PLOD2: variants seen among roughly 807,000 people sequenced by gnomAD.
PLOD2 encodes the protein procollagen-lysine,2-oxoglutarate 5-dioxygenase 2, also known as lysine hydroxylase 2.
A neutral mutation model predicts 101.0 loss-of-function variants in PLOD2; 65 were observed. That is an observed-to-expected ratio of 0.64 (90% confidence interval 0.53 to 0.79). The LOEUF (loss-of-function observed/expected upper bound fraction) is 0.79, where lower values mean the gene tolerates loss of function less well. Among genes scored for constraint, PLOD2 ranks in the 30% least tolerant of loss-of-function variants. The probability of loss-of-function intolerance (pLI) is 0.00; values close to 1 mark genes in which losing one functional copy is unlikely to be tolerated. For synonymous variants in PLOD2, 314 were observed against 302.9 expected (o/e 1.04, Z -0.38); for missense variants, 909 against 914.6 (o/e 0.99, Z 0.08).
intron 7 of PLOD2, among the ~76,000 whole-genome samples, chr3:146,096,839 G>A (rs1434041834): frequency 3.0e-5 from 4 of 133,320 alleles, no homozygotes; most frequent in Admixed American, 7.1e-5. Context: ...GGGAAGTGAG[G>A]AGCCCCTCTG....
chr3:146,142,825 A>C (rs1298598489), intron 1 of PLOD2, among the ~76,000 whole-genome samples: 1 of 152,124 alleles, frequency 6.6e-6, no homozygotes, highest in Non-Finnish European at 1.5e-5. Context: ...AGCACATTCC[A>C]ATCTCTTGTC....
At chr3:146,111,756 A>G (rs1245744611) in intron 3 of PLOD2, among the ~76,000 whole-genome samples, 1 of 152,098 alleles carries the variant, frequency 6.6e-6, no homozygotes, top group Admixed American at 6.6e-5. Flanking sequence ...ATTACAAAAC[A>G]CAACACTGTA....
intron 14 of PLOD2, chr3:146,077,099 T>G: frequency 8.1e-7 from 1 of 1,237,620 alleles, no homozygotes; most frequent in Non-Finnish European, 1.0e-6. Context: ...ACAAAACTAG[T>G]AGATAGCACT....
At chr3:146,117,195 T>A (rs975387150) in intron 3 of PLOD2, among the ~76,000 whole-genome samples, 5 of 152,330 alleles carry the variant, frequency 3.3e-5, no homozygotes, top group African/African-American at 1.2e-4. Flanking sequence ...TACATCTGTG[T>A]ATATTTTCAT....
intron 7 of PLOD2, among the ~76,000 whole-genome samples, chr3:146,100,311 C>T (rs576505216): frequency 3.3e-5 from 5 of 152,242 alleles, no homozygotes; most frequent in Admixed American, 1.3e-4. Flanking sequence ...GCGTAGTATT[C>T]GCTACACATG....
chr3:146,146,209 T>C lies in PLOD2; in HGVS notation c.109+14672A>G, dbSNP rs558136970. Reference sequence around the variant, plus strand: ...ACTTGGGTCCCTATTGTCAAAAACATCCATAAAAATTTAAAATAATTTAAT... The same window carrying C: ...ACTTGGGTCCCTATTGTCAAAAACACCCATAAAAATTTAAAATAATTTAAT... On this transcript the variant is annotated intron_variant, in intron 1 of 19. Transcript: ENST00000282903. Among the ~76,000 whole-genome samples, 13 of 152,152 alleles carry C rather than the reference T, an allele frequency of 8.5e-5. No homozygotes were observed. In the South Asian group the frequency reaches 2.7e-3, roughly 32 times the overall value.
At chr3:146,121,076 A>C in intron 3 of PLOD2, 36 bp downstream of exon 3, 1 of 1,445,596 alleles carries the variant, frequency 6.9e-7, no homozygotes, top group Non-Finnish European at 9.7e-7. Flanking sequence ...AAGTAATTGA[A>C]TATAGATTTT....
At chr3:146,156,740 A>G (rs572169238) in intron 1 of PLOD2, among the ~76,000 whole-genome samples, 104 of 152,306 alleles carry the variant, frequency 6.8e-4, no homozygotes, top group Middle Eastern at 3.4e-3. Context: ...TCTCTAAGTC[A>G]CTGATGGCCA....
chr3:146,156,372 C>G (rs1242424364), intron 1 of PLOD2, among the ~76,000 whole-genome samples: 1 of 152,250 alleles, frequency 6.6e-6, no homozygotes, highest in Non-Finnish European at 1.5e-5. Flanking sequence ...GCCTCATAGT[C>G]TCTGTAACTA....
chr3:146,077,997 A>G (rs1484334656), intron 13 of PLOD2, 73 bp from the exon 14 acceptor site: 6 of 846,738 alleles, frequency 7.1e-6, no homozygotes, highest in East Asian at 2.4e-5. Context: ...GTAAATAAAA[A>G]TAATAGCAGC....
In PLOD2 at chr3:146,069,516, ATTTCT is replaced by A. The variant is rs1936047482; in HGVS notation, c.*1196_*1200del. Reference sequence around the variant, plus strand: ...ATGAATTTTGGCACCGTGATTAAGAATTTCTTTTCAAGTTTAACCTTTACATTAAA... The same window carrying A: ...ATGAATTTTGGCACCGTGATTAAGAATTTCAAGTTTAACCTTTACATTAAA... On this transcript the variant is annotated 3_prime_UTR_variant, in exon 20 of 20. Coordinates refer to ENST00000282903, the MANE Select transcript of PLOD2 (RefSeq NM_182943.3). The A allele has an allele frequency of 6.6e-6, 1 of 152,168 alleles. No individual in the cohort carries two copies. The highest frequency in any genetic ancestry group is 6.6e-5 in the Admixed American group (1 of 15,174). 9.4% of individuals were successfully genotyped at this position (152,168 alleles called of 1,614,324 possible). A position where few individuals can be genotyped will look rare whatever the true frequency, so the allele number is the denominator to read the frequency against.
rs984678665 is a variant in PLOD2 at position 146,070,508 on chromosome 3, C to T, written c.*209G>A. The stretch of plus-strand genomic sequence containing the variant: ...ATTTAAGTTTTTTCTTTCTTTTCTT[C>T]TTCAATCTGTGTTTTAAGGCTCAGA... On this transcript the variant is annotated 3_prime_UTR_variant, in exon 20 of 20. Coordinates refer to ENST00000282903, the MANE Select transcript of PLOD2 (RefSeq NM_182943.3). 7 of 384,258 alleles carry T rather than the reference C, an allele frequency of 1.8e-5. No individual in the cohort carries two copies. Among genetic ancestry groups the T allele is most frequent in the Admixed American group, 4.2e-5 (1 of 23,860 alleles). The allele number at this position is 384,258 out of a possible 1,614,324, so 23.8% of individuals were successfully genotyped here.
intron 3 of PLOD2, 128 bp from the exon 4 acceptor site, chr3:146,110,576 T>A: frequency 1.5e-6 from 1 of 649,722 alleles, no homozygotes; most frequent in Non-Finnish European, 2.6e-6. Flanking sequence ...GTGCCAACTA[T>A]TTACACAGAA....
At chr3:146,091,731 A>G in intron 8 of PLOD2, 69 bp downstream of exon 8, 2 of 911,666 alleles carry the variant, frequency 2.2e-6, no homozygotes, top group Non-Finnish European at 3.7e-6. Flanking sequence ...CTTTTTTCCT[A>G]TAAATCACAG....
intron 11 of PLOD2, among the ~76,000 whole-genome samples, chr3:146,083,913 G>C (rs897059390): frequency 4.6e-5 from 7 of 151,762 alleles, no homozygotes; most frequent in Admixed American, 3.3e-4. Flanking sequence ...GATTTAAAAT[G>C]TTTAATATTA....
At chr3:146,120,592 T>C (rs2030049380) in intron 3 of PLOD2, among the ~76,000 whole-genome samples, 1 of 152,202 alleles carries the variant, frequency 6.6e-6, no homozygotes, top group Non-Finnish European at 1.5e-5. Context: ...CCAAAAGTAA[T>C]GGCAACAAAA....
intron 7 of PLOD2, among the ~76,000 whole-genome samples, chr3:146,094,221 C>T (rs1277754737): frequency 6.6e-6 from 1 of 152,172 alleles, no homozygotes; most frequent in African/African-American, 2.4e-5. Flanking sequence ...CGCCCAAATC[C>T]TTTCCTCTTT....
chr3:146,085,299 G>A (rs1466533587), intron 10 of PLOD2, 26 bp from the exon 11 acceptor site: 2 of 1,101,342 alleles, frequency 1.8e-6, no homozygotes, highest in Admixed American at 1.7e-5. Flanking sequence ...AAAATGAAAT[G>A]GGCATGACAT....
chr3:146,146,148 T>C (rs2031765576), intron 1 of PLOD2, among the ~76,000 whole-genome samples: 1 of 152,166 alleles, frequency 6.6e-6, no homozygotes, highest in African/African-American at 2.4e-5. Flanking sequence ...GAGCTCCACG[T>C]TAAAAAGCAT....
Sources: gnomAD v4.1 joint callset for allele counts (sites outside exome capture counted in the v4.1 genomes callset) on GRCh38, gnomAD v4.1.1 for gene constraint, MANE v1.5 for transcripts, NCBI Gene and HGNC (gene_info 2026-07-23, HGNC 2026-07-21) for gene names.